CAMTA1: variants seen among roughly 807,000 people sequenced by gnomAD.
The protein encoded by CAMTA1 is calmodulin-binding transcription activator 1.
CAMTA1 carries 27 observed loss-of-function variants against 170.9 expected under a neutral mutation model. The observed-to-expected ratio is 0.16, with a 90% confidence interval of 0.12 to 0.22. The LOEUF (loss-of-function observed/expected upper bound fraction) is 0.22, where lower values mean the gene tolerates loss of function less well. Ranked by LOEUF, CAMTA1 falls within the 10% of genes least tolerant of loss-of-function variation. CAMTA1 has a pLI of 1.00. For missense variants in CAMTA1, 1,619 were observed against 2,217.2 expected (o/e 0.73, Z 5.42); for synonymous variants, 833 against 891.5 (o/e 0.93, Z 1.17).
At chr1:7,523,885 A>G (rs2094398324) in intron 6 of CAMTA1, among the ~76,000 whole-genome samples, 1 of 137,298 alleles carries the variant, frequency 7.3e-6, no homozygotes. Context: ...TCTATCTCGA[A>G]AAAAAAAATA....
chr1:6,793,311 A>AT (rs1641660727), intron 1 of CAMTA1, among the ~76,000 whole-genome samples: 1 of 152,192 alleles, frequency 6.6e-6, no homozygotes, highest in African/African-American at 2.4e-5. Flanking sequence ...TATCTCTTCC[A>AT]TTTTTTTCCC....
intron 11 of CAMTA1, among the ~76,000 whole-genome samples, chr1:7,704,347 C>T (rs1229534534): frequency 6.9e-6 from 1 of 145,746 alleles, no homozygotes. Flanking sequence ...GGGCAGCGGG[C>T]GCAGCCGTCG....
chr1:7,640,992 G>A (rs1014894228), intron 7 of CAMTA1, among the ~76,000 whole-genome samples: 1 of 152,212 alleles, frequency 6.6e-6, no homozygotes, highest in Non-Finnish European at 1.5e-5. Flanking sequence ...TGGACTCAGG[G>A]CCTGCCTCGG....
intron 5 of CAMTA1, among the ~76,000 whole-genome samples, chr1:7,254,107 C>T (rs1023933728): frequency 3.9e-5 from 6 of 151,924 alleles, no homozygotes; most frequent in Non-Finnish European, 4.4e-5. Flanking sequence ...GCGGTGGGAG[C>T]GGGTCAAGTG....
At chr1:7,468,556 C>T (rs2093265375) in intron 6 of CAMTA1, among the ~76,000 whole-genome samples, 1 of 152,246 alleles carries the variant, frequency 6.6e-6, no homozygotes, top group Non-Finnish European at 1.5e-5. Flanking sequence ...GGATCGTCTG[C>T]CAGCTGTCTT....
chr1:7,668,723 G>A (rs1467708818), intron 9 of CAMTA1, among the ~76,000 whole-genome samples: 3 of 152,158 alleles, frequency 2.0e-5, no homozygotes, highest in Non-Finnish European at 4.4e-5. Flanking sequence ...GTCCTGCGGC[G>A]GTTTCCATGG....
intron 6 of CAMTA1, among the ~76,000 whole-genome samples, chr1:7,590,442 C>T (rs1557966866): frequency 1.3e-5 from 2 of 152,320 alleles, no homozygotes; most frequent in South Asian, 2.1e-4. Context: ...AACCAGGCCC[C>T]GCTGGCTCTT....
rs1436820888 is a variant in CAMTA1 at position 7,045,154 on chromosome 1, C to T, written c.235-46150C>T. Among the ~76,000 whole-genome samples the T allele has an allele frequency of 2.0e-5, 3 of 152,044 alleles. No homozygotes were observed. The South Asian group carries it at 6.2e-4, about 32-fold the overall frequency. On this transcript the variant is annotated intron_variant, in intron 3 of 22. Transcript: ENST00000303635. The stretch of plus-strand genomic sequence containing the variant: ...AATCCTCCTAAGGACCCCGAGAAGC[C>T]AGCACTAATATCATCCCCACGTTTT...
chr1:7,022,368 G>T (rs536439578), intron 3 of CAMTA1, among the ~76,000 whole-genome samples: 1 of 152,106 alleles, frequency 6.6e-6, no homozygotes, highest in Non-Finnish European at 1.5e-5. Context: ...TGACTCTGCC[G>T]TGGGTATTGG....
At chr1:7,460,287 T>C (rs928105666) in intron 5 of CAMTA1, among the ~76,000 whole-genome samples, 3 of 152,228 alleles carry the variant, frequency 2.0e-5, no homozygotes, top group African/African-American at 7.2e-5. Flanking sequence ...CACTTCCTCT[T>C]AGGTGACTTT....
Position 7,640,482 on chromosome 1 carries a change from CCAT to C in CAMTA1, c.596_598del (p.Ile199del). On this transcript the variant is annotated inframe_deletion, in exon 7 of 23. Transcript: ENST00000303635. ...AAGCCTTGCGGCCCCATCCTCTGCTCCATCAACACCGACAAGAAGGAGTGGGCG... is the reference window on the plus strand; with the variant it reads ...AAGCCTTGCGGCCCCATCCTCTGCTCCAACACCGACAAGAAGGAGTGGGCG... 1 of 1,614,222 alleles carries C rather than the reference CCAT, an allele frequency of 6.2e-7. No homozygotes were observed. The highest frequency in any genetic ancestry group is 8.5e-7 in the Non-Finnish European group (1 of 1,180,038).
chr1:7,531,782 G>A (rs1047777476), intron 6 of CAMTA1, among the ~76,000 whole-genome samples: 2 of 152,176 alleles, frequency 1.3e-5, no homozygotes, highest in South Asian at 2.1e-4. Flanking sequence ...CTTCCATGCC[G>A]TGCCTGTGGT....
rs183462578 is a variant in CAMTA1, at chr1:7,176,002, C to G, written c.303-73489C>G. Among the ~76,000 whole-genome samples, 549 of 152,344 alleles carry G rather than the reference C, an allele frequency of 3.6e-3. 5 individuals are homozygous for G. Among genetic ancestry groups the G allele is most frequent in the Non-Finnish European group, 4.5e-3 (306 of 68,038 alleles). On this transcript the variant is annotated intron_variant, in intron 4 of 22. Transcript: ENST00000303635. ...AGTGGGTCAGCAAAGCAGCTCCCCC[C>G]AGGGAGGGCAGCCTGGAGCTGCTGC...
chr1:7,054,376 G>A (rs1558032758), intron 3 of CAMTA1, among the ~76,000 whole-genome samples: 1 of 152,252 alleles, frequency 6.6e-6, no homozygotes. Context: ...GCACTGATGG[G>A]TGAATTCAGG....
At chr1:7,270,351 A>G (rs1481293984) in intron 5 of CAMTA1, among the ~76,000 whole-genome samples, 1 of 148,264 alleles carries the variant, frequency 6.7e-6, no homozygotes, top group East Asian at 2.0e-4. Context: ...TTGGAATGCA[A>G]TGGTGTGATC....
intron 6 of CAMTA1, among the ~76,000 whole-genome samples, chr1:7,492,497 C>T (rs2093719668): frequency 6.6e-6 from 1 of 152,144 alleles, no homozygotes; most frequent in South Asian, 2.1e-4. Flanking sequence ...GTTTCCATGG[C>T]CATGAAAGAG....
intron 3 of CAMTA1, among the ~76,000 whole-genome samples, chr1:6,841,903 G>C (rs1655878294): frequency 6.6e-6 from 1 of 152,178 alleles, no homozygotes; most frequent in Admixed American, 6.5e-5. Context: ...AGCCACTACA[G>C]GGCCCGCAAG....
intron 5 of CAMTA1, among the ~76,000 whole-genome samples, chr1:7,383,848 G>A (rs183698575): frequency 1.4e-4 from 21 of 152,292 alleles, no homozygotes; most frequent in African/African-American, 4.8e-4. Context: ...GATGATGATC[G>A]TGGAGGATTC....
At chr1:7,601,425 C>T (rs1240806336) in intron 6 of CAMTA1, among the ~76,000 whole-genome samples, 2 of 151,908 alleles carry the variant, frequency 1.3e-5, no homozygotes, top group African/African-American at 2.4e-5. Context: ...GATGGGATGG[C>T]GGCCGGGCAG....
Sources: allele counts gnomAD v4.1 joint callset (sites outside exome capture counted in the v4.1 genomes callset), GRCh38; gene constraint gnomAD v4.1.1; transcripts MANE v1.5; gene names NCBI Gene and HGNC (gene_info 2026-07-23, HGNC 2026-07-21).